RANBP2: variants seen among roughly 807,000 people sequenced by gnomAD.
The protein encoded by RANBP2 is E3 SUMO-protein ligase RanBP2.
In RANBP2, 57 loss-of-function variants were observed where a neutral mutation model predicts 303.6. That is an observed-to-expected ratio of 0.19 (90% CI 0.15 to 0.23). RANBP2 has a LOEUF of 0.23. Among genes scored for constraint, RANBP2 ranks in the 10% least tolerant of loss-of-function variants. The probability of loss-of-function intolerance (pLI) is 1.00; values close to 1 mark genes in which losing one functional copy is unlikely to be tolerated. For missense variants in RANBP2, 3,138 were observed against 3,780.8 expected, an observed-to-expected ratio of 0.83 and a Z score of 4.46; for synonymous variants, 1,167 against 1,301.5, an observed-to-expected ratio of 0.90 and a Z score of 2.23.
chr2:109,473,975 T>C, the RANBP2 span, among the ~76,000 whole-genome samples: 5 of 152,168 alleles, frequency 3.3e-5, no homozygotes, highest in African/African-American at 1.2e-4. Flanking sequence ...GACTCTGTCC[T>C]GGAAGGTGCT....
At chr2:108,743,152 C>T (rs929773266) in intron 7 of RANBP2, among the ~76,000 whole-genome samples, 2 of 152,180 alleles carry the variant, frequency 1.3e-5, no homozygotes, top group Non-Finnish European at 2.9e-5. Flanking sequence ...TAGAGTCTTG[C>T]TGTGTCACCC....
At chr2:108,754,467 C>T (rs1158264742) in intron 15 of RANBP2, among the ~76,000 whole-genome samples, 5 of 150,390 alleles carry the variant, frequency 3.3e-5, no homozygotes, top group African/African-American at 9.9e-5. Context: ...TGTGTTACTA[C>T]TCTTTTATTA....
chr2:109,242,452 A>T, the RANBP2 span, among the ~76,000 whole-genome samples: 1 of 152,124 alleles, frequency 6.6e-6, no homozygotes, highest in African/African-American at 2.4e-5. Context: ...GGGGCTCAGA[A>T]TGGGGCCAGG....
chr2:109,569,985 T>C, the RANBP2 span, among the ~76,000 whole-genome samples: 1 of 152,090 alleles, frequency 6.6e-6, no homozygotes. Context: ...TGTAGTGCCC[T>C]TGTGTAAGTG....
the RANBP2 span, among the ~76,000 whole-genome samples, chr2:109,365,218 T>C: frequency 1.3e-5 from 2 of 152,224 alleles, no homozygotes; most frequent in South Asian, 2.1e-4. Context: ...TTCTCTGATA[T>C]TCACTATGAA....
At chr2:108,983,340 C>T in the RANBP2 span, among the ~76,000 whole-genome samples, 1 of 152,148 alleles carries the variant, frequency 6.6e-6, no homozygotes, top group Admixed American at 6.5e-5. Flanking sequence ...CAGTGCATTT[C>T]CATATTTTTA....
the RANBP2 span, among the ~76,000 whole-genome samples, chr2:109,312,802 T>TAAA: frequency 6.6e-6 from 1 of 152,270 alleles, no homozygotes; most frequent in Non-Finnish European, 1.5e-5. Context: ...TTCCACCTTT[T>TAAA]GGCTCTTGTG....
At chr2:109,586,357 A>AT in the RANBP2 span, among the ~76,000 whole-genome samples, 1 of 152,338 alleles carries the variant, frequency 6.6e-6, no homozygotes, top group Admixed American at 6.5e-5. Context: ...ACTGGACAGA[A>AT]TAAGACTTGA....
At chr2:108,936,927 C>G in the RANBP2 span, among the ~76,000 whole-genome samples, 1 of 152,224 alleles carries the variant, frequency 6.6e-6, no homozygotes, top group African/African-American at 2.4e-5. Flanking sequence ...TCAGTGATTT[C>G]TGACCCATTT....
chr2:109,440,493 A>G, the RANBP2 span, among the ~76,000 whole-genome samples: 1 of 152,248 alleles, frequency 6.6e-6, no homozygotes, highest in East Asian at 1.9e-4. Flanking sequence ...ACATAGTCAT[A>G]TTTTTGTATT....
chr2:108,957,383 C>T, the RANBP2 span, among the ~76,000 whole-genome samples: 1 of 152,236 alleles, frequency 6.6e-6, no homozygotes, highest in African/African-American at 2.4e-5. Context: ...AAGTCGGGGG[C>T]AGGTAATGAC....
the RANBP2 span, chr2:109,565,618 C>T: frequency 2.8e-6 from 2 of 706,272 alleles, no homozygotes; most frequent in South Asian, 1.7e-5. Context: ...TACACGGCCT[C>T]CAGACTTTGG....
At chr2:109,246,867 C>T in the RANBP2 span, among the ~76,000 whole-genome samples, 1 of 152,286 alleles carries the variant, frequency 6.6e-6, no homozygotes, top group East Asian at 1.9e-4. Flanking sequence ...TGTCTTCCTT[C>T]CATTCGGTGG....
the RANBP2 span, among the ~76,000 whole-genome samples, chr2:108,935,357 T>A: frequency 1.3e-5 from 2 of 152,164 alleles, no homozygotes; most frequent in African/African-American, 4.8e-5. Flanking sequence ...AGCATTAGCA[T>A]CAGCTGGGAG....
the RANBP2 span, among the ~76,000 whole-genome samples, chr2:109,387,919 A>G: frequency 0.52 from 78,820 of 150,624 alleles, 21,010 homozygotes; most frequent in South Asian, 0.61. Flanking sequence ...GACTCGTTCC[A>G]CTGCTCCCAC....
At chr2:108,876,583 G>T in the RANBP2 span, 1 of 163,824 alleles carries the variant, frequency 6.1e-6, no homozygotes, top group Non-Finnish European at 1.3e-5. Context: ...TGAGAACAGG[G>T]TTAAATAATA....
chr2:108,740,191 C>T (rs1467619514), intron 6 of RANBP2, among the ~76,000 whole-genome samples: 1 of 152,084 alleles, frequency 6.6e-6, no homozygotes, highest in Non-Finnish European at 1.5e-5. Flanking sequence ...CCAACTTTAT[C>T]CTGGTTTATT....
chr2:109,523,473 G>A, the RANBP2 span, among the ~76,000 whole-genome samples: 1 of 152,260 alleles, frequency 6.6e-6, no homozygotes, highest in East Asian at 1.9e-4. Flanking sequence ...CTCAGGCTGT[G>A]CACAGGTGGT....
At chr2:108,864,041 G>A in the RANBP2 span, among the ~76,000 whole-genome samples, 2 of 152,084 alleles carry the variant, frequency 1.3e-5, no homozygotes, top group Non-Finnish European at 2.9e-5. Flanking sequence ...TTTCTCATGT[G>A]TAACACTAGA....
Sources: allele counts gnomAD v4.1 joint callset (sites outside exome capture counted in the v4.1 genomes callset), GRCh38; gene constraint gnomAD v4.1.1; transcripts MANE v1.5; gene names NCBI Gene and HGNC (gene_info 2026-07-23, HGNC 2026-07-21).